Variants in SDC1 observed in about 807,000 individuals in gnomAD.
SDC1 encodes syndecan-1.
A neutral mutation model predicts 29.7 loss-of-function variants in SDC1; 14 were observed. The observed-to-expected ratio is 0.47, with a 90% CI of 0.31 to 0.74. The LOEUF (loss-of-function observed/expected upper bound fraction) is 0.74, where lower values mean the gene tolerates loss of function less well. Among genes scored for constraint, SDC1 ranks in the 30% least tolerant of loss-of-function variants. SDC1 has a pLI of 0.05. For synonymous variants in SDC1, 204 were observed against 175.5 expected (o/e 1.16, Z -1.29); for missense variants, 406 against 400.3 (o/e 1.01, Z -0.12).
intron 1 of SDC1, among the ~76,000 whole-genome samples, chr2:20,208,763 G>A (rs1250211091): frequency 1.3e-5 from 2 of 152,210 alleles, no homozygotes; most frequent in African/African-American, 4.8e-5. Flanking sequence ...GGAACAGGTG[G>A]CCTCAGCTTG....
chr2:20,204,238 T>C lies in SDC1; in HGVS notation c.202A>G (p.Thr68Ala), dbSNP rs1375479277. Residue 68 changes from threonine to alanine, a missense_variant, in exon 3 of 5, where the codon ACG (threonine) becomes GCG (alanine). Transcript: ENST00000254351. Reference protein sequence around the residue: ...SQQTPSTWKDTQLLTAIPTSP... With the variant: ...SQQTPSTWKDAQLLTAIPTSP... ...GTGGGAATAGCCGTCAGGAGCTGCG[T>C]GTCCTTCCAAGTGGAGGGGGTCTGC... 2 of 1,597,050 alleles carry C rather than the reference T, an allele frequency of 1.3e-6. No individual in the cohort carries two copies. Among genetic ancestry groups the C allele is most frequent in the South Asian group, 2.2e-5 (2 of 91,028 alleles).
At chr2:20,219,092 C>T (rs766166006) in intron 1 of SDC1, among the ~76,000 whole-genome samples, 3 of 152,158 alleles carry the variant, frequency 2.0e-5, no homozygotes, top group East Asian at 1.9e-4. Flanking sequence ...CAGGTCCAGC[C>T]GCCGCCTGTT....
chr2:20,213,004 G>A (rs1029552290), intron 1 of SDC1, among the ~76,000 whole-genome samples: 5 of 152,198 alleles, frequency 3.3e-5, no homozygotes, highest in Non-Finnish European at 5.9e-5. Flanking sequence ...TCGCAGAGCC[G>A]AGCCTCCCAG....
At chr2:20,209,036 G>C (rs527722702) in intron 1 of SDC1, among the ~76,000 whole-genome samples, 3 of 152,336 alleles carry the variant, frequency 2.0e-5, no homozygotes, top group African/African-American at 7.2e-5. Context: ...ACTGCCTGGA[G>C]TCTGGGGACA....
intron 1 of SDC1, among the ~76,000 whole-genome samples, chr2:20,205,792 C>T (rs1677247835): frequency 6.6e-6 from 1 of 152,224 alleles, no homozygotes; most frequent in Non-Finnish European, 1.5e-5. Context: ...TCAGCCCACC[C>T]TACACTGTGA....
chr2:20,208,154 A>G, intron 1 of SDC1: 1 of 982,530 alleles, frequency 1.0e-6, no homozygotes, highest in Non-Finnish European at 1.2e-6. Context: ...CAGGGAAGAC[A>G]CACACACTGG....
intron 1 of SDC1, among the ~76,000 whole-genome samples, chr2:20,207,049 C>T (rs1677295685): frequency 6.6e-6 from 1 of 152,256 alleles, no homozygotes. Flanking sequence ...AGGGCCTCCT[C>T]AGCCCAAGAG....
At chr2:20,220,620 A>G (rs1677787009) in intron 1 of SDC1, among the ~76,000 whole-genome samples, 1 of 152,256 alleles carries the variant, frequency 6.6e-6, no homozygotes, top group Admixed American at 6.5e-5. Flanking sequence ...TCACATATCC[A>G]TTATGAAATG....
intron 1 of SDC1, among the ~76,000 whole-genome samples, chr2:20,209,233 T>C: frequency 6.6e-6 from 1 of 152,206 alleles, no homozygotes; most frequent in Non-Finnish European, 1.5e-5. Flanking sequence ...CTTTCTTCCC[T>C]ACAACTCCCC....
chr2:20,219,027 G>A (rs374935129), intron 1 of SDC1, among the ~76,000 whole-genome samples: 4 of 152,164 alleles, frequency 2.6e-5, no homozygotes, highest in African/African-American at 4.8e-5. Context: ...TGGCAGCCTC[G>A]GGAAGCCCCG....
Position 20,201,683 on chromosome 2 carries a change from A to C in SDC1, c.*1083T>G, listed in dbSNP as rs1677013248. The C allele has an allele frequency of 1.3e-5, 2 of 152,782 alleles. No homozygotes were observed. The highest frequency in any genetic ancestry group is 2.9e-5 in the Non-Finnish European group (2 of 68,144). 9.5% of individuals were successfully genotyped at this position (152,782 alleles called of 1,614,324 possible). A position where few individuals can be genotyped will look rare whatever the true frequency, so the allele number is the denominator to read the frequency against. ...CCTGGCCTTGGATGGAGGCGCTCAGAGCCAGCTCTGCCCAAGACACCCCTC... is the reference window on the plus strand; with the variant it reads ...CCTGGCCTTGGATGGAGGCGCTCAGCGCCAGCTCTGCCCAAGACACCCCTC... On this transcript the variant is annotated 3_prime_UTR_variant, in exon 5 of 5. Coordinates refer to ENST00000254351, the MANE Select transcript of SDC1 (RefSeq NM_002997.5).
chr2:20,206,749 T>C (rs771012002), intron 1 of SDC1, among the ~76,000 whole-genome samples: 5 of 152,252 alleles, frequency 3.3e-5, no homozygotes, highest in Non-Finnish European at 7.3e-5. Context: ...TTATGGCTTC[T>C]GTCTCTCCAT....
Position 20,218,665 on chromosome 2 carries a change from G to A in SDC1, c.66+6137C>T, listed in dbSNP as rs552283484. Among the ~76,000 whole-genome samples the A allele has an allele frequency of 5.8e-5, 8 of 137,234 alleles. No individual in the cohort carries two copies. In the East Asian group the frequency reaches 6.0e-4, roughly 10 times the overall value. The allele number at this position is 137,234 out of a possible 152,430, so 90.0% of individuals were successfully genotyped here. A position where few individuals can be genotyped will look rare whatever the true frequency, so the allele number is the denominator to read the frequency against. On this transcript the variant is annotated intron_variant, in intron 1 of 4. Coordinates refer to ENST00000254351, the MANE Select transcript of SDC1 (RefSeq NM_002997.5). ...GACACACACACACACAGAGACACAC[G>A]TACACACGGACACACACACGGACGC...
chr2:20,203,995 CG>C lies in SDC1; in HGVS notation c.444del (p.Ala149ProfsTer74). 1 of 1,613,742 alleles carries C rather than the reference CG, an allele frequency of 6.2e-7. No individual in the cohort carries two copies. The highest frequency in any genetic ancestry group is 8.5e-7 in the Non-Finnish European group (1 of 1,179,988). On this transcript the variant is annotated frameshift_variant, in exon 3 of 5. Coordinates refer to ENST00000254351, the MANE Select transcript of SDC1 (RefSeq NM_002997.5). LOFTEE classifies it high-confidence loss of function. ...STTTATTAQE[P>X]ATSHPHRDMQ... ...ATGTCCCTGTGGGGGTGGGAGGTGGCGGGCTCCTGGGCCGTGGTGGCTGTGG... is the reference window on the plus strand; with the variant it reads ...ATGTCCCTGTGGGGGTGGGAGGTGGCGGCTCCTGGGCCGTGGTGGCTGTGG...
At chr2:20,219,207 A>T (rs1677733639) in intron 1 of SDC1, among the ~76,000 whole-genome samples, 2 of 152,080 alleles carry the variant, frequency 1.3e-5, no homozygotes, top group African/African-American at 4.8e-5. Context: ...AAAAAGCAGG[A>T]CACTTGCCAG....
In SDC1 at chr2:20,224,858, C is replaced by A; in HGVS notation, c.10G>T (p.Ala4Ser). The A allele has an allele frequency of 1.6e-6, 2 of 1,251,816 alleles. No homozygotes were observed. The highest frequency in any genetic ancestry group is 2.0e-6 in the Non-Finnish European group (2 of 999,862). 77.5% of individuals were successfully genotyped at this position (1,251,816 alleles called of 1,614,324 possible). The stretch of plus-strand genomic sequence containing the variant: ...GCGCACAGCCAGAGCCAGAGCGCCG[C>A]GCGCCTCATGCTGCCCGGACCGGCG... Reference protein sequence around the residue: MRRAALWLWLCALA... With the variant: MRRSALWLWLCALA... Residue 4 changes from alanine (A) to serine (S), a missense_variant, in exon 1 of 5, where the codon GCG becomes TCG. By Grantham distance (99) the Ala-to-Ser change is moderately conservative (BLOSUM62 1). Coordinates refer to ENST00000254351, the MANE Select transcript of SDC1 (RefSeq NM_002997.5). This position sits in a 1 kb window ranked among gnomAD's most constrained non-coding sequence, Gnocchi z 4.9.
chr2:20,212,050 AG>A (rs1448709617), intron 1 of SDC1, among the ~76,000 whole-genome samples: 2 of 152,294 alleles, frequency 1.3e-5, no homozygotes, highest in African/African-American at 4.8e-5. Context: ...AGACGCCAGA[AG>A]GGGCTTGGTG....
chr2:20,223,317 C>G (rs1430240583), intron 1 of SDC1: 5 of 1,289,168 alleles, frequency 3.9e-6, no homozygotes, highest in Non-Finnish European at 5.1e-6. Flanking sequence ...CAATAACTGG[C>G]AGCTACTACA....
In SDC1 at chr2:20,212,598, C is replaced by A. The variant is rs531427305; in HGVS notation, c.67-7174G>T. ...GAGGGGCCTCACTGGGGCCTCAAGG[C>A]AGCATCAGCATTTCCGGTGACAGGC... On this transcript the variant is annotated intron_variant, in intron 1 of 4. Coordinates refer to ENST00000254351, the MANE Select transcript of SDC1 (RefSeq NM_002997.5). Among the ~76,000 whole-genome samples the A allele has an allele frequency of 7.9e-5, 12 of 152,204 alleles. 2 individuals are homozygous for A. The highest frequency in any genetic ancestry group is 2.7e-4 in the African/African-American group (11 of 41,456).
Sources: allele counts gnomAD v4.1 joint callset (sites outside exome capture counted in the v4.1 genomes callset), GRCh38; gene constraint gnomAD v4.1.1; non-coding constraint Gnocchi (gnomAD v3.1); transcripts MANE v1.5; gene names NCBI Gene and HGNC (gene_info 2026-07-23, HGNC 2026-07-21).